Variants in KCNIP4 observed in about 807,000 individuals in gnomAD.
KCNIP4 encodes the protein potassium voltage-gated channel interacting protein 4, also known as Kv channel-interacting protein 4.
In KCNIP4, 12 loss-of-function variants were observed where a neutral mutation model predicts 34.0. The ratio of observed to expected loss-of-function variants is 0.35; its 90% CI spans 0.23 to 0.57. The LOEUF is 0.57. Ranked by LOEUF, KCNIP4 falls within the 20% of genes least tolerant of loss-of-function variation. The pLI is 0.83. For missense variants in KCNIP4, 238 were observed against 311.7 expected (o/e 0.76, Z 1.78); for synonymous variants, 124 against 102.2 (o/e 1.21, Z -1.29).
At chr4:21,334,544 A>G (rs1715978272) in intron 1 of KCNIP4, among the ~76,000 whole-genome samples, 1 of 152,066 alleles carries the variant, frequency 6.6e-6, no homozygotes, top group East Asian at 1.9e-4. Flanking sequence ...CATAAAATTT[A>G]CCCACTTAAG....
intron 1 of KCNIP4, among the ~76,000 whole-genome samples, chr4:21,462,402 A>G (rs1342416576): frequency 6.6e-6 from 1 of 152,104 alleles, no homozygotes. Context: ...ACTCCCTCTT[A>G]TAATAACCAT....
At chr4:21,632,336 C>T (rs1300315970) in intron 1 of KCNIP4, among the ~76,000 whole-genome samples, 1 of 152,148 alleles carries the variant, frequency 6.6e-6, no homozygotes, top group East Asian at 1.9e-4. Flanking sequence ...TCCTCAGCCT[C>T]CTGAGTACCT....
At chr4:21,181,169 A>C (rs1447719272) in intron 1 of KCNIP4, among the ~76,000 whole-genome samples, 1 of 152,178 alleles carries the variant, frequency 6.6e-6, no homozygotes, top group Non-Finnish European at 1.5e-5. Context: ...GGGAAATAGC[A>C]TAAAGACATT....
chr4:21,795,362 T>A (rs1209464830), intron 1 of KCNIP4, among the ~76,000 whole-genome samples: 2 of 152,170 alleles, frequency 1.3e-5, no homozygotes, highest in African/African-American at 4.8e-5. Context: ...AAACGTCTGT[T>A]GCGTAAGCCA....
chr4:20,988,274 A>C (rs532276598), intron 1 of KCNIP4, among the ~76,000 whole-genome samples: 2 of 152,072 alleles, frequency 1.3e-5, no homozygotes, highest in African/African-American at 4.8e-5. Flanking sequence ...TGGTTGAGAG[A>C]CTCTGAAAGG....
chr4:21,572,599 G>GA (rs1483616440), intron 1 of KCNIP4, among the ~76,000 whole-genome samples: 1 of 149,922 alleles, frequency 6.7e-6, no homozygotes, highest in Non-Finnish European at 1.5e-5. Context: ...CAACATTGCT[G>GA]AAAAAAATGC....
chr4:21,491,362 G>A (rs550791942), intron 1 of KCNIP4, among the ~76,000 whole-genome samples: 83 of 152,124 alleles, frequency 5.5e-4, no homozygotes, highest in African/African-American at 1.9e-3. Context: ...AGAGAACTGG[G>A]TCTCTGAAAT....
chr4:21,687,227 C>T (rs867348802), intron 1 of KCNIP4, among the ~76,000 whole-genome samples: 1 of 144,496 alleles, frequency 6.9e-6, no homozygotes, highest in Non-Finnish European at 1.5e-5. Flanking sequence ...CTAGATGACG[C>T]GTTAGTGGGT....
chr4:20,947,995 A>T (rs1427527673), intron 1 of KCNIP4, among the ~76,000 whole-genome samples: 1 of 151,990 alleles, frequency 6.6e-6, no homozygotes, highest in Non-Finnish European at 1.5e-5. Flanking sequence ...GAGATGGTAA[A>T]CTCTTGCCTT....
intron 3 of KCNIP4, among the ~76,000 whole-genome samples, chr4:20,812,977 G>A (rs1715956706): frequency 6.6e-6 from 1 of 151,882 alleles, no homozygotes; most frequent in South Asian, 2.1e-4. Context: ...AAGAATATAT[G>A]TATGTTCTTT....
chr4:20,979,544 G>A (rs1031480114), intron 1 of KCNIP4, among the ~76,000 whole-genome samples: 4 of 151,776 alleles, frequency 2.6e-5, no homozygotes, highest in African/African-American at 4.8e-5. Flanking sequence ...GACTACCGGC[G>A]CCCGCCACCT....
chr4:20,775,407 A>G lies in KCNIP4; in HGVS notation c.289-16517T>C, dbSNP rs563204854. Among the ~76,000 whole-genome samples, 63 of 152,262 alleles carry G rather than the reference A, an allele frequency of 4.1e-4. 2 individuals carry two copies. The South Asian group carries it at 0.013, about 31-fold the overall frequency. On this transcript the variant is annotated intron_variant, in intron 3 of 8. Coordinates refer to ENST00000382152, the MANE Select transcript of KCNIP4 (RefSeq NM_025221.6). ...TCTTTGCTTTTGCTAATGATTAATA[A>G]TAACGAGTCCAGGCCAGACACAGTG...
intron 1 of KCNIP4, among the ~76,000 whole-genome samples, chr4:21,706,873 C>G (rs1713312211): frequency 6.6e-6 from 1 of 151,638 alleles, no homozygotes; most frequent in South Asian, 2.1e-4. Flanking sequence ...AGAGCAGAGC[C>G]TTGCGGCAAA....
chr4:21,726,544 A>G (rs1715209078), intron 1 of KCNIP4, among the ~76,000 whole-genome samples: 1 of 152,182 alleles, frequency 6.6e-6, no homozygotes, highest in Non-Finnish European at 1.5e-5. Context: ...ATGGTCCTGG[A>G]GAACATTGTC....
intron 1 of KCNIP4, among the ~76,000 whole-genome samples, chr4:21,185,658 G>C (rs1755164506): frequency 6.6e-6 from 1 of 152,164 alleles, no homozygotes; most frequent in Non-Finnish European, 1.5e-5. Flanking sequence ...TGAGTGAGTA[G>C]TCAGTAAAAG....
intron 3 of KCNIP4, among the ~76,000 whole-genome samples, chr4:20,788,503 A>G (rs547805445): frequency 2.6e-5 from 4 of 152,288 alleles, no homozygotes; most frequent in African/African-American, 9.6e-5. Flanking sequence ...TCAGGTCCAG[A>G]GTTAGCTCAG....
At chr4:20,930,444 G>A (rs1482199803) in intron 1 of KCNIP4, among the ~76,000 whole-genome samples, 1 of 151,974 alleles carries the variant, frequency 6.6e-6, no homozygotes, top group Admixed American at 6.6e-5. Context: ...CCTTGATATT[G>A]GCCTTGGAGA....
chr4:21,085,517 G>A (rs568688932), intron 1 of KCNIP4, among the ~76,000 whole-genome samples: 1 of 146,328 alleles, frequency 6.8e-6, no homozygotes, highest in African/African-American at 2.4e-5. Context: ...GAAATCACCA[G>A]ACAATTTCCT....
intron 1 of KCNIP4, among the ~76,000 whole-genome samples, chr4:21,832,745 C>A (rs374030769): frequency 8.7e-6 from 1 of 114,390 alleles, no homozygotes; most frequent in African/African-American, 3.3e-5. Flanking sequence ...CCCCCCTCCC[C>A]CCACCCCACA....
Sources: allele counts gnomAD v4.1 joint callset (sites outside exome capture counted in the v4.1 genomes callset), GRCh38; gene constraint gnomAD v4.1.1; transcripts MANE v1.5; gene names NCBI Gene and HGNC (gene_info 2026-07-23, HGNC 2026-07-21).